TAFA2: variants seen among roughly 807,000 people sequenced by gnomAD.
TAFA2 encodes TAFA chemokine like family member 2.
A neutral mutation model predicts 18.8 loss-of-function variants in TAFA2; 7 were observed. The observed-to-expected ratio is 0.37, with a 90% CI of 0.21 to 0.70. TAFA2 has a LOEUF of 0.70. Ranked by LOEUF, TAFA2 falls within the 30% of genes least tolerant of loss-of-function variation. TAFA2 has a pLI of 0.53. For missense variants in TAFA2, 122 were observed against 158.1 expected (o/e 0.77, Z 1.23); for synonymous variants, 60 against 54.2 (o/e 1.11, Z -0.47).
intron 1 of TAFA2, among the ~76,000 whole-genome samples, chr12:62,032,237 G>C (rs1881478868): frequency 6.6e-6 from 1 of 152,042 alleles, no homozygotes; most frequent in African/African-American, 2.4e-5. Flanking sequence ...ATAGCTATGA[G>C]GAGGAAAATC....
chr12:61,892,352 A>C (rs1444292817), intron 1 of TAFA2, among the ~76,000 whole-genome samples: 4 of 152,176 alleles, frequency 2.6e-5, no homozygotes, highest in Admixed American at 2.6e-4. Context: ...GGGAACACAA[A>C]CCTGAAGCTT....
chr12:61,951,873 G>C (rs769717428), intron 1 of TAFA2, among the ~76,000 whole-genome samples: 7 of 138,816 alleles, frequency 5.0e-5, no homozygotes, highest in Admixed American at 7.9e-5. Context: ...TGTCTGTAAG[G>C]AGCAATATTC....
rs565972530 is a variant in TAFA2, at chr12:62,010,152, TCTCCCC to T, written c.-1-142732_-1-142727del. On this transcript the variant is annotated intron_variant, in intron 1 of 4. Coordinates refer to ENST00000416284, the MANE Select transcript of TAFA2 (RefSeq NM_178539.5). ...AAACTGTAGTCCCTCTCCCTCTCCC[TCTCCCC>T]CTCCCCCTCCCCCTCCCTCTCCCCC... 1.7e-3 allele frequency among the ~76,000 whole-genome samples: 224 copies of T among 132,016 alleles called. 1 individual carries two copies. Among genetic ancestry groups the T allele is most frequent in the African/African-American group, 4.3e-3 (155 of 35,854 alleles). 86.6% of individuals were successfully genotyped at this position (132,016 alleles called of 152,430 possible).
chr12:62,034,241 C>T (rs564670576), intron 1 of TAFA2, among the ~76,000 whole-genome samples: 4 of 152,236 alleles, frequency 2.6e-5, no homozygotes, highest in Admixed American at 6.5e-5. Flanking sequence ...GATATGTTCA[C>T]CTTGAGCCCA....
intron 2 of TAFA2, among the ~76,000 whole-genome samples, chr12:61,863,064 A>G (rs1169251073): frequency 1.3e-5 from 2 of 152,206 alleles, no homozygotes; most frequent in Non-Finnish European, 2.9e-5. Flanking sequence ...AGAAATATCC[A>G]ACTGAAATGA....
intron 1 of TAFA2, among the ~76,000 whole-genome samples, chr12:62,081,424 G>T (rs1158269539): frequency 6.6e-6 from 1 of 151,962 alleles, no homozygotes; most frequent in Non-Finnish European, 1.5e-5. Flanking sequence ...GTTAGGTAAA[G>T]AACCAAGAAG....
chr12:62,061,868 G>A (rs1433153274), intron 1 of TAFA2, among the ~76,000 whole-genome samples: 1 of 152,084 alleles, frequency 6.6e-6, no homozygotes, highest in East Asian at 1.9e-4. Context: ...CTTGCCTACT[G>A]GGAACCTACA....
chr12:62,224,333 G>T (rs899868314), intron 1 of TAFA2, among the ~76,000 whole-genome samples: 1 of 152,064 alleles, frequency 6.6e-6, no homozygotes, highest in African/African-American at 2.4e-5. Flanking sequence ...ATCAATAATA[G>T]AAATTTATTT....
chr12:61,870,702 C>T (rs1874562002), intron 1 of TAFA2, among the ~76,000 whole-genome samples: 1 of 152,086 alleles, frequency 6.6e-6, no homozygotes. Context: ...ATCTTACCCA[C>T]CATGCCACCT....
chr12:61,986,021 A>C (rs1449814312), intron 1 of TAFA2, among the ~76,000 whole-genome samples: 2 of 152,116 alleles, frequency 1.3e-5, no homozygotes, highest in Non-Finnish European at 2.9e-5. Context: ...CATGGTATAC[A>C]ATAGCTTCCT....
chr12:62,160,255 G>C (rs2062397993), intron 1 of TAFA2, among the ~76,000 whole-genome samples: 1 of 152,134 alleles, frequency 6.6e-6, no homozygotes, highest in African/African-American at 2.4e-5. Context: ...AAAATGATTA[G>C]GTACAAGAAA....
At chr12:61,712,578 T>C (rs1363991723) in intron 4 of TAFA2, among the ~76,000 whole-genome samples, 5 of 152,144 alleles carry the variant, frequency 3.3e-5, no homozygotes, top group African/African-American at 1.2e-4. Context: ...CATGATGATA[T>C]CTTTCTATCA....
chr12:61,821,826 C>T (rs1307996103), intron 2 of TAFA2, among the ~76,000 whole-genome samples: 1 of 152,024 alleles, frequency 6.6e-6, no homozygotes, highest in Non-Finnish European at 1.5e-5. Context: ...GACAGTTTGC[C>T]AAATTTTAAA....
chr12:61,859,733 C>T (rs1874049018), intron 2 of TAFA2, among the ~76,000 whole-genome samples: 3 of 152,262 alleles, frequency 2.0e-5, no homozygotes, highest in South Asian at 2.1e-4. Flanking sequence ...TAAGCCACCA[C>T]GCCCCGCCCA....
At chr12:62,227,159 G>A (rs946387573) in intron 1 of TAFA2, among the ~76,000 whole-genome samples, 2 of 152,046 alleles carry the variant, frequency 1.3e-5, no homozygotes, top group Non-Finnish European at 1.5e-5. Flanking sequence ...TGTTCTGGTG[G>A]TGTAGAATTT....
Position 62,041,753 on chromosome 12 carries a change from C to G in TAFA2, c.-2+149506G>C, listed in dbSNP as rs375575456. The stretch of plus-strand genomic sequence containing the variant: ...TACATTACAATATAGAATCTAAGTG[C>G]TTTTATTAACATCATGTTTTTGTGC... On this transcript the variant is annotated intron_variant, in intron 1 of 4. Coordinates refer to ENST00000416284, the MANE Select transcript of TAFA2 (RefSeq NM_178539.5). 5.9e-5 allele frequency among the ~76,000 whole-genome samples: 9 copies of G among 152,146 alleles called. No homozygotes were observed. The East Asian group carries it at 1.6e-3, about 26-fold the overall frequency.
intron 1 of TAFA2, among the ~76,000 whole-genome samples, chr12:61,883,284 T>C (rs1474845222): frequency 6.6e-6 from 1 of 152,204 alleles, no homozygotes; most frequent in Non-Finnish European, 1.5e-5. Context: ...TTAATTAAAT[T>C]CAAAGAGGCA....
intron 1 of TAFA2, among the ~76,000 whole-genome samples, chr12:62,129,964 A>G (rs1870617542): frequency 6.6e-6 from 1 of 152,042 alleles, no homozygotes; most frequent in African/African-American, 2.4e-5. Context: ...ATAAGTTTTC[A>G]TGTTATGTTT....
At chr12:61,773,522 G>A (rs998624700) in intron 2 of TAFA2, among the ~76,000 whole-genome samples, 3 of 151,898 alleles carry the variant, frequency 2.0e-5, no homozygotes, top group African/African-American at 7.3e-5. Context: ...TAGACCAATG[G>A]AACATAATAG....
Sources: allele counts gnomAD v4.1 joint callset (sites outside exome capture counted in the v4.1 genomes callset), GRCh38; gene constraint gnomAD v4.1.1; transcripts MANE v1.5; gene names NCBI Gene and HGNC (gene_info 2026-07-23, HGNC 2026-07-21).